ZNF385B: variants seen among roughly 807,000 people sequenced by gnomAD.
The protein encoded by ZNF385B is zinc finger protein 385B, also known as zinc finger protein 533.
ZNF385B carries 23 observed loss-of-function variants against 39.2 expected under a neutral mutation model. The ratio of observed to expected loss-of-function variants is 0.59; its 90% CI spans 0.42 to 0.83. The LOEUF (loss-of-function observed/expected upper bound fraction) is 0.83, where lower values mean the gene tolerates loss of function less well. ZNF385B is among the 40% of genes least tolerant of loss of function. ZNF385B has a pLI of 0.00. For synonymous variants in ZNF385B, 205 were observed against 222.6 expected (o/e 0.92, Z 0.70); for missense variants, 552 against 598.9 (o/e 0.92, Z 0.82).
intron 3 of ZNF385B, among the ~76,000 whole-genome samples, chr2:179,669,807 C>T (rs576209103): frequency 9.2e-5 from 14 of 152,224 alleles, no homozygotes; most frequent in African/African-American, 3.1e-4. Flanking sequence ...CTTTTAGGTA[C>T]TGAAGAACTA....
intron 3 of ZNF385B, among the ~76,000 whole-genome samples, chr2:179,665,400 C>T (rs551096070): frequency 6.6e-6 from 1 of 152,296 alleles, no homozygotes; most frequent in African/African-American, 2.4e-5. Context: ...GACTGGCTTA[C>T]ATGCATGATT....
chr2:179,769,180 T>G (rs911381900), intron 3 of ZNF385B, among the ~76,000 whole-genome samples: 1 of 152,194 alleles, frequency 6.6e-6, no homozygotes, highest in African/African-American at 2.4e-5. Flanking sequence ...AGGGAAAAAA[T>G]GACATCACTG....
At chr2:179,753,220 G>A (rs1334293589) in intron 3 of ZNF385B, among the ~76,000 whole-genome samples, 1 of 152,074 alleles carries the variant, frequency 6.6e-6, no homozygotes, top group Non-Finnish European at 1.5e-5. Context: ...TTTTTGTCAG[G>A]TTTGTCAAAG....
chr2:179,601,301 G>A (rs537270319), intron 3 of ZNF385B, among the ~76,000 whole-genome samples: 2 of 152,200 alleles, frequency 1.3e-5, no homozygotes, highest in African/African-American at 2.4e-5. Context: ...AGATTTTGAA[G>A]TTCACTAAGC....
At chr2:179,558,067 G>A (rs890786191) in intron 3 of ZNF385B, among the ~76,000 whole-genome samples, 2 of 152,114 alleles carry the variant, frequency 1.3e-5, no homozygotes, top group African/African-American at 2.4e-5. Context: ...TTTTTATACC[G>A]AAGTACTATC....
At chr2:179,731,031 T>A (rs1242929962) in intron 3 of ZNF385B, among the ~76,000 whole-genome samples, 1 of 152,226 alleles carries the variant, frequency 6.6e-6, no homozygotes, top group Non-Finnish European at 1.5e-5. Flanking sequence ...ATTAAGGCTT[T>A]GAAAATACAC....
intron 3 of ZNF385B, among the ~76,000 whole-genome samples, chr2:179,667,062 A>AT (rs1419442405): frequency 6.6e-6 from 1 of 152,138 alleles, no homozygotes; most frequent in Non-Finnish European, 1.5e-5. Flanking sequence ...ATTAATTAAC[A>AT]TTTTTTGGGT....
rs368612073 is a variant in ZNF385B at position 179,515,023 on chromosome 2, C to T, written c.552+3505G>A. On this transcript the variant is annotated intron_variant, in intron 5 of 9. Coordinates refer to ENST00000410066, the MANE Select transcript of ZNF385B (RefSeq NM_152520.6). ...GAACTCCTGACCTCAAGTGATCCAC[C>T]CGCCTCGGCCTTCCAAAGTGCTGGG... Among the ~76,000 whole-genome samples the T allele has an allele frequency of 7.0e-4, 107 of 152,258 alleles. No homozygotes were observed. The East Asian group carries it at 0.012, about 18-fold the overall frequency.
chr2:179,815,307 G>A (rs2106572679), intron 1 of ZNF385B, among the ~76,000 whole-genome samples: 1 of 152,318 alleles, frequency 6.6e-6, no homozygotes, highest in South Asian at 2.1e-4. Context: ...TGCAAATACA[G>A]ATAGATTTAT....
chr2:179,523,858 C>A (rs1290100547), intron 4 of ZNF385B, among the ~76,000 whole-genome samples: 1 of 152,162 alleles, frequency 6.6e-6, no homozygotes, highest in Non-Finnish European at 1.5e-5. Context: ...AGTGGCATGA[C>A]TGAAGCCTTA....
intron 1 of ZNF385B, among the ~76,000 whole-genome samples, chr2:179,834,203 A>G (rs1431100181): frequency 6.6e-6 from 1 of 152,152 alleles, no homozygotes. Flanking sequence ...GGAAGCAATA[A>G]CATCCCCATA....
intron 1 of ZNF385B, among the ~76,000 whole-genome samples, chr2:179,789,327 A>T (rs1269136715): frequency 6.6e-6 from 1 of 152,190 alleles, no homozygotes; most frequent in African/African-American, 2.4e-5. Flanking sequence ...CATAGAAAAA[A>T]CTTTGAGAAA....
At chr2:179,792,715 G>A (rs909633227) in intron 1 of ZNF385B, among the ~76,000 whole-genome samples, 43 of 152,090 alleles carry the variant, frequency 2.8e-4, no homozygotes, top group African/African-American at 8.9e-4. Flanking sequence ...ACTCTGAAAC[G>A]TGAAAATAAC....
chr2:179,846,462 G>T (rs910913293), intron 1 of ZNF385B, among the ~76,000 whole-genome samples: 1 of 152,178 alleles, frequency 6.6e-6, no homozygotes, highest in East Asian at 1.9e-4. Flanking sequence ...CAAGAATTCC[G>T]TATCCTGCTT....
At chr2:179,501,531 C>A (rs1342218699) in intron 5 of ZNF385B, among the ~76,000 whole-genome samples, 1 of 151,948 alleles carries the variant, frequency 6.6e-6, no homozygotes, top group East Asian at 1.9e-4. Context: ...AAAATTAAAA[C>A]AATTAAAGTC....
intron 6 of ZNF385B, among the ~76,000 whole-genome samples, chr2:179,466,915 CAAAAAAAAAA>C (rs777679885): frequency 1.5e-3 from 41 of 26,936 alleles, no homozygotes; most frequent in South Asian, 9.2e-3. Flanking sequence ...GCAAGACTGT[CAAAAAAAAAA>C]AAAAAAAAAA....
At chr2:179,801,603 A>C (rs1312240531) in intron 1 of ZNF385B, among the ~76,000 whole-genome samples, 1 of 152,178 alleles carries the variant, frequency 6.6e-6, no homozygotes, top group Non-Finnish European at 1.5e-5. Context: ...CCAATGGTAG[A>C]GAAATTATGC....
chr2:179,558,724 T>C (rs1332977421), intron 3 of ZNF385B, among the ~76,000 whole-genome samples: 1 of 152,050 alleles, frequency 6.6e-6, no homozygotes, highest in Non-Finnish European at 1.5e-5. Context: ...AGAGTGTTCA[T>C]AAAAAATTCT....
chr2:179,800,907 T>C (rs1486380225), intron 1 of ZNF385B, among the ~76,000 whole-genome samples: 1 of 152,154 alleles, frequency 6.6e-6, no homozygotes, highest in Non-Finnish European at 1.5e-5. Flanking sequence ...AACTACAATG[T>C]TATTTCAACC....
Sources: gnomAD v4.1 joint callset for allele counts (sites outside exome capture counted in the v4.1 genomes callset) on GRCh38, gnomAD v4.1.1 for gene constraint, MANE v1.5 for transcripts, NCBI Gene and HGNC (gene_info 2026-07-23, HGNC 2026-07-21) for gene names.